GABRA5: variants seen among roughly 807,000 people sequenced by gnomAD.
The protein encoded by GABRA5 is gamma-aminobutyric acid type A receptor subunit alpha5.
A neutral mutation model predicts 47.3 loss-of-function variants in GABRA5; 18 were observed. The observed-to-expected ratio is 0.38, with a 90% CI of 0.26 to 0.56. GABRA5 has a LOEUF of 0.56. GABRA5 is among the 20% of genes least tolerant of loss of function. GABRA5 has a pLI of 0.71. For missense variants in GABRA5, 365 were observed against 599.3 expected, an observed-to-expected ratio of 0.61 and a Z score of 4.08; for synonymous variants, 237 against 229.3, an observed-to-expected ratio of 1.03 and a Z score of -0.30.
chr15:26,886,880 G>T (rs772627266), intron 6 of GABRA5, among the ~76,000 whole-genome samples: 1 of 152,200 alleles, frequency 6.6e-6, no homozygotes, highest in Admixed American at 6.5e-5. Context: ...ACTTCCAAGT[G>T]TTATGAATTT....
At position 26,883,308 on chromosome 15, in the gene GABRA5, T is replaced by G. The variant is rs748919672; in HGVS notation, c.277-29T>G. The G allele has an allele frequency of 1.2e-6, 2 of 1,613,080 alleles. No individual in the cohort carries two copies. Among genetic ancestry groups the G allele is most frequent in the Non-Finnish European group, 8.5e-7 (1 of 1,179,078 alleles). On this transcript the variant is annotated intron_variant, in intron 5 of 10. Coordinates refer to ENST00000335625, the MANE Select transcript of GABRA5 (RefSeq NM_000810.4). The surrounding 1 kb of genome is among the most constrained non-coding windows in gnomAD (Gnocchi z 4.8). ...GCCCCCGCCCAGGCCCCGTGCCCTC[T>G]GACTGCCTCGTGCCTTCCTTTCCAC...
At chr15:26,929,642 G>A (rs1894044037) in intron 7 of GABRA5, among the ~76,000 whole-genome samples, 1 of 152,220 alleles carries the variant, frequency 6.6e-6, no homozygotes, top group Non-Finnish European at 1.5e-5. Flanking sequence ...CTGCTCTGTT[G>A]AGCGCAGCCC....
At chr15:26,923,711 T>A (rs1893892516) in intron 7 of GABRA5, among the ~76,000 whole-genome samples, 1 of 152,144 alleles carries the variant, frequency 6.6e-6, no homozygotes, top group Non-Finnish European at 1.5e-5. Context: ...GTCTCTGTTC[T>A]TCCCTGACCT....
chr15:26,937,426 G>T, intron 8 of GABRA5, 98 bp downstream of exon 8: 1 of 1,312,182 alleles, frequency 7.6e-7, no homozygotes, highest in Non-Finnish European at 1.0e-6. Flanking sequence ...GGGCCACGTG[G>T]GAGGCCGCAC....
At chr15:26,889,828 G>A (rs1481018538) in intron 6 of GABRA5, among the ~76,000 whole-genome samples, 1 of 152,178 alleles carries the variant, frequency 6.6e-6, no homozygotes, top group African/African-American at 2.4e-5. Context: ...AGACCAAAGA[G>A]AATCAATGTT....
chr15:26,932,064 G>T (rs923665210), intron 7 of GABRA5, among the ~76,000 whole-genome samples: 1 of 152,180 alleles, frequency 6.6e-6, no homozygotes, highest in African/African-American at 2.4e-5. Context: ...CATGGGCAAA[G>T]ATTTTATGAC....
intron 6 of GABRA5, among the ~76,000 whole-genome samples, chr15:26,903,372 G>T (rs1371673014): frequency 4.6e-5 from 7 of 152,110 alleles, no homozygotes; most frequent in Admixed American, 1.3e-4. Flanking sequence ...GGGCATTTAG[G>T]TTGGTTCTTT....
chr15:26,917,489 T>C (rs1215259572), intron 7 of GABRA5, among the ~76,000 whole-genome samples: 2 of 152,150 alleles, frequency 1.3e-5, no homozygotes, highest in African/African-American at 4.8e-5. Flanking sequence ...TTGAGGAGTT[T>C]GGCATCTATA....
chr15:26,924,220 C>A (rs1160258535), intron 7 of GABRA5, among the ~76,000 whole-genome samples: 1 of 147,138 alleles, frequency 6.8e-6, no homozygotes, highest in Non-Finnish European at 1.5e-5. Flanking sequence ...CTCGTTACCA[C>A]TGGGTCAGGG....
At chr15:26,933,081 C>T (rs1566884912) in intron 7 of GABRA5, among the ~76,000 whole-genome samples, 3 of 147,284 alleles carry the variant, frequency 2.0e-5, no homozygotes, top group Non-Finnish European at 4.5e-5. Context: ...GCACATCCTG[C>T]ACATGTATCC....
chr15:26,883,100 G>A lies in GABRA5; in HGVS notation c.209-66G>A, dbSNP rs752144384. ...GGTGACCCTGGTTACTGGACTGAGA[G>A]CACGAGAGTGTGCCAGACGCGCAGG... On this transcript the variant is annotated intron_variant, in intron 4 of 10. Transcript: ENST00000335625. This position sits in a 1 kb window ranked among gnomAD's most constrained non-coding sequence, Gnocchi z 4.8. 9.2e-6 allele frequency: 12 copies of A among 1,308,256 alleles called. No individual in the cohort carries two copies. The highest frequency in any genetic ancestry group is 1.8e-4 in the Middle Eastern group (1 of 5,454). 81.0% of individuals were successfully genotyped at this position (1,308,256 alleles called of 1,614,324 possible). A position where few individuals can be genotyped will look rare whatever the true frequency, so the allele number is the denominator to read the frequency against.
intron 6 of GABRA5, among the ~76,000 whole-genome samples, chr15:26,912,381 A>G (rs2140292301): frequency 6.6e-6 from 1 of 152,314 alleles, no homozygotes; most frequent in South Asian, 2.1e-4. Flanking sequence ...TTTGCTAACA[A>G]CCATATAAAG....
chr15:26,867,884 G>A lies in GABRA5; in HGVS notation c.-140+773G>A, dbSNP rs899538933. 3 of 152,250 alleles carry A rather than the reference G, an allele frequency of 2.0e-5. No homozygotes were observed. The highest frequency in any genetic ancestry group is 7.2e-5 in the African/African-American group (3 of 41,578). 9.4% of individuals were successfully genotyped at this position (152,250 alleles called of 1,614,324 possible). A position where few individuals can be genotyped will look rare whatever the true frequency, so the allele number is the denominator to read the frequency against. ...TGCACCGCGCGCTCCCAGCCCAGGA[G>A]GAAGGCGCTGCCTGGCGGAGCGCTT... On this transcript the variant is annotated intron_variant, in intron 1 of 10. Coordinates refer to ENST00000335625, the MANE Select transcript of GABRA5 (RefSeq NM_000810.4). The surrounding 1 kb of genome is among the most constrained non-coding windows in gnomAD (Gnocchi z 5.9).
At chr15:26,871,558 G>A (rs1892472374) in intron 3 of GABRA5, among the ~76,000 whole-genome samples, 1 of 152,126 alleles carries the variant, frequency 6.6e-6, no homozygotes, top group Admixed American at 6.6e-5. Flanking sequence ...CAGCAAATAT[G>A]TGCGATACAG....
chr15:26,923,028 C>G (rs1176339608), intron 7 of GABRA5, among the ~76,000 whole-genome samples: 2 of 152,162 alleles, frequency 1.3e-5, no homozygotes, highest in Non-Finnish European at 2.9e-5. Flanking sequence ...GTCCCTTTAC[C>G]TTTCCCTAAT....
At position 26,948,101 on chromosome 15, in the gene GABRA5, C is replaced by A. The variant is rs747139454; in HGVS notation, c.1257C>A (p.Tyr419Ter). 2 of 1,612,756 alleles carry A rather than the reference C, an allele frequency of 1.2e-6. No homozygotes were observed. The highest frequency in any genetic ancestry group is 1.7e-6 in the Non-Finnish European group (2 of 1,179,340). ...EEKTSESKKT[Y>*]NSISKIDKMS... ...AGACTTCTGAAAGCAAAAAGACTTA[C>A]AACAGTATCAGCAAAATTGACAAAA... Residue 419 changes from tyrosine (Y) to a stop codon, truncating the protein, a stop_gained, in exon 11 of 11, where the codon TAC (tyrosine) becomes TAA (stop). Coordinates refer to ENST00000335625, the MANE Select transcript of GABRA5 (RefSeq NM_000810.4). LOFTEE classifies it high-confidence loss of function.
At chr15:26,866,825 GGAGTCCA>G (rs1290372520), upstream of GABRA5, 1 of 152,234 alleles carries the variant, frequency 6.6e-6, no homozygotes, top group East Asian at 1.9e-4. Flanking sequence ...CAAAGCTGTC[GGAGTCCA>G]GGCCTCTATC....
intron 4 of GABRA5, among the ~76,000 whole-genome samples, chr15:26,882,831 A>G (rs777424701): frequency 8.5e-5 from 13 of 152,070 alleles, no homozygotes; most frequent in Admixed American, 2.0e-4. Context: ...TCATTGCTCC[A>G]GGTTTACAGA....
chr15:26,919,511 A>G (rs1477796062), intron 7 of GABRA5, among the ~76,000 whole-genome samples: 1 of 152,142 alleles, frequency 6.6e-6, no homozygotes, highest in African/African-American at 2.4e-5. Flanking sequence ...TAAAGACTAC[A>G]CTTTACTACT....
Sources: gnomAD v4.1 joint callset for allele counts (sites outside exome capture counted in the v4.1 genomes callset) on GRCh38, gnomAD v4.1.1 for gene constraint, Gnocchi (gnomAD v3.1) non-coding constraint, MANE v1.5 for transcripts, NCBI Gene and HGNC (gene_info 2026-07-23, HGNC 2026-07-21) for gene names.